Variants in SHANK2 observed in about 807,000 individuals in gnomAD.
SHANK2 encodes the protein SH3 and multiple ankyrin repeat domains protein 2.
Under a neutral mutation model 133.7 loss-of-function variants are expected in SHANK2, and 43 were observed. The ratio of observed to expected loss-of-function variants is 0.32; its 90% CI spans 0.25 to 0.41. The LOEUF (loss-of-function observed/expected upper bound fraction) is 0.41, where lower values mean the gene tolerates loss of function less well. SHANK2 is among the 10% of genes least tolerant of loss of function. The probability of loss-of-function intolerance (pLI) is 1.00; values close to 1 mark genes in which losing one functional copy is unlikely to be tolerated. For synonymous variants in SHANK2, 1,017 were observed against 952.8 expected, an observed-to-expected ratio of 1.07 and a Z score of -1.24; for missense variants, 1,994 against 2,235.8, an observed-to-expected ratio of 0.89 and a Z score of 2.18.
chr11:71,095,426 A>C (rs1488542475), intron 6 of SHANK2, among the ~76,000 whole-genome samples: 1 of 152,204 alleles, frequency 6.6e-6, no homozygotes, highest in Non-Finnish European at 1.5e-5. Context: ...GGCCACTGCT[A>C]AACAAGAGGA....
At chr11:71,135,488 T>G (rs1423491198) in intron 3 of SHANK2, among the ~76,000 whole-genome samples, 3 of 149,884 alleles carry the variant, frequency 2.0e-5, no homozygotes, top group South Asian at 2.1e-4. Context: ...ATATGTTTTT[T>G]TTTTTTTTTT....
intron 17 of SHANK2, among the ~76,000 whole-genome samples, chr11:70,618,412 C>T (rs1420442212): frequency 6.6e-6 from 1 of 152,088 alleles, no homozygotes; most frequent in East Asian, 1.9e-4. Context: ...GGACAAAAGT[C>T]TCCAGAGTTA....
At chr11:71,115,340 G>C (rs1951958538) in intron 4 of SHANK2, among the ~76,000 whole-genome samples, 1 of 152,222 alleles carries the variant, frequency 6.6e-6, no homozygotes, top group South Asian at 2.1e-4. Flanking sequence ...GTGGTGGTGG[G>C]CACCTGTAAT....
chr11:71,241,291 A>C (rs1954887497), intron 1 of SHANK2, among the ~76,000 whole-genome samples: 1 of 152,194 alleles, frequency 6.6e-6, no homozygotes, highest in African/African-American at 2.4e-5. Context: ...ATTCCATAGA[A>C]TGTATAAACT....
intron 2 of SHANK2, among the ~76,000 whole-genome samples, chr11:71,154,316 T>C (rs1952857508): frequency 6.6e-6 from 1 of 152,150 alleles, no homozygotes; most frequent in African/African-American, 2.4e-5. Context: ...TTCCATCGGA[T>C]GTTAGAAAAT....
At chr11:70,833,875 A>G (rs572571163) in intron 11 of SHANK2, among the ~76,000 whole-genome samples, 1 of 152,354 alleles carries the variant, frequency 6.6e-6, no homozygotes, top group East Asian at 1.9e-4. Context: ...CGCTAGAGAC[A>G]GGGTCCTGAC....
intron 19 of SHANK2, 123 bp downstream of exon 19, chr11:70,502,083 G>C: frequency 7.6e-7 from 1 of 1,322,718 alleles, no homozygotes; most frequent in Non-Finnish European, 1.1e-6. Context: ...TGCACGTCTG[G>C]GTACAGGGGC....
chr11:70,641,201 T>C (rs1379904745), intron 17 of SHANK2, among the ~76,000 whole-genome samples: 1 of 151,914 alleles, frequency 6.6e-6, no homozygotes, highest in African/African-American at 2.4e-5. Context: ...GTTCACACCG[T>C]TCTCCTGCCT....
chr11:70,583,182 G>A (rs1001098539), intron 17 of SHANK2, among the ~76,000 whole-genome samples: 7 of 152,168 alleles, frequency 4.6e-5, no homozygotes, highest in African/African-American at 1.4e-4. Context: ...ATCTATCTAC[G>A]GGCTCAGGTA....
chr11:71,250,830 G>T (rs1271687563), intron 1 of SHANK2, among the ~76,000 whole-genome samples: 1 of 151,918 alleles, frequency 6.6e-6, no homozygotes, highest in Non-Finnish European at 1.5e-5. Context: ...CAAAACCGAG[G>T]CCCACATCCC....
At chr11:70,562,215 A>G (rs782702768) in intron 17 of SHANK2, among the ~76,000 whole-genome samples, 7 of 152,240 alleles carry the variant, frequency 4.6e-5, no homozygotes, top group Admixed American at 2.0e-4. Flanking sequence ...ATGGACTAAA[A>G]TATGGTTTAT....
At chr11:71,247,301 A>G (rs955790833) in intron 1 of SHANK2, among the ~76,000 whole-genome samples, 2 of 152,238 alleles carry the variant, frequency 1.3e-5, no homozygotes, top group Non-Finnish European at 2.9e-5. Flanking sequence ...TAGCCTTTAC[A>G]AATATTTAAA....
At chr11:71,228,234 CA>C (rs1954675915) in intron 1 of SHANK2, among the ~76,000 whole-genome samples, 1 of 152,188 alleles carries the variant, frequency 6.6e-6, no homozygotes, top group Non-Finnish European at 1.5e-5. Context: ...TCATTTCCTA[CA>C]ACTATTAAGG....
intron 15 of SHANK2, among the ~76,000 whole-genome samples, chr11:70,678,254 C>T (rs139567370): frequency 6.6e-6 from 1 of 152,034 alleles, no homozygotes; most frequent in African/African-American, 2.4e-5. Context: ...TCAAGCAATT[C>T]TTCTGCCTCG....
chr11:70,840,114 C>G (rs1387176945), intron 11 of SHANK2, among the ~76,000 whole-genome samples: 3 of 152,196 alleles, frequency 2.0e-5, no homozygotes, highest in African/African-American at 2.4e-5. Context: ...CTGGGAAGAA[C>G]AGTGTGAGGG....
chr11:70,646,931 G>T (rs1410633922), intron 17 of SHANK2, among the ~76,000 whole-genome samples: 1 of 151,822 alleles, frequency 6.6e-6, no homozygotes, highest in Non-Finnish European at 1.5e-5. Context: ...CACAATCTCG[G>T]CTCACTGCAA....
chr11:71,250,455 C>A (rs1948159568), intron 1 of SHANK2, among the ~76,000 whole-genome samples: 1 of 152,164 alleles, frequency 6.6e-6, no homozygotes, highest in South Asian at 2.1e-4. Flanking sequence ...CAGTGACATC[C>A]GGCATAGAAA....
At chr11:70,736,659 C>A (rs1946410801) in intron 14 of SHANK2, among the ~76,000 whole-genome samples, 1 of 152,174 alleles carries the variant, frequency 6.6e-6, no homozygotes, top group South Asian at 2.1e-4. Context: ...CTTCTGGACT[C>A]CTGAACTGAG....
intron 8 of SHANK2, among the ~76,000 whole-genome samples, chr11:71,083,442 C>T (rs917710693): frequency 1.3e-5 from 2 of 152,172 alleles, no homozygotes; most frequent in Non-Finnish European, 2.9e-5. Context: ...CAAACTGTTA[C>T]TCAGCCAACC....
Sources: gnomAD v4.1 joint callset for allele counts (sites outside exome capture counted in the v4.1 genomes callset) on GRCh38, gnomAD v4.1.1 for gene constraint, MANE v1.5 for transcripts, NCBI Gene and HGNC (gene_info 2026-07-23, HGNC 2026-07-21) for gene names.